Variants in INSR observed in about 807,000 individuals in gnomAD.
INSR encodes the protein IR.
Under a neutral mutation model 142.6 loss-of-function variants are expected in INSR, and 67 were observed. That is an observed-to-expected ratio of 0.47 (90% CI 0.39 to 0.58). The LOEUF (loss-of-function observed/expected upper bound fraction) is 0.58. INSR is among the 20% of genes least tolerant of loss of function. The pLI, the probability that INSR is intolerant of heterozygous loss-of-function variation, is 0.00. For synonymous variants in INSR, 756 were observed against 743.1 expected, an observed-to-expected ratio of 1.02 and a Z score of -0.28; for missense variants, 1,248 against 1,833.2, an observed-to-expected ratio of 0.68 and a Z score of 5.83.
chr19:7,190,369 G>GT lies in INSR; in HGVS notation c.653-5733dup, dbSNP rs34757652. On this transcript the variant is annotated intron_variant, in intron 2 of 21. Coordinates refer to ENST00000302850, the MANE Select transcript of INSR (RefSeq NM_000208.4). ...ACATGCTGACCTGTGTTCTTTGGTG[G>GT]TTTTTTTTTTTTTTTTTTTTTGAGA... is the stretch of plus-strand genomic sequence containing the variant. 5.4e-3 allele frequency among the ~76,000 whole-genome samples: 554 copies of GT among 102,686 alleles called. 2 individuals are homozygous for GT. The highest frequency in any genetic ancestry group is 7.0e-3 in the South Asian group (22 of 3,134). 67.4% of individuals were successfully genotyped at this position (102,686 alleles called of 152,430 possible). A position where few individuals can be genotyped will look rare whatever the true frequency, so the allele number is the denominator to read the frequency against.
chr19:7,201,648 A>C (rs1974956510), intron 2 of INSR, among the ~76,000 whole-genome samples: 1 of 148,048 alleles, frequency 6.8e-6, no homozygotes, highest in Non-Finnish European at 1.5e-5. Flanking sequence ...ATAATAAATA[A>C]ATTACATCTA....
chr19:7,133,637 G>A (rs1057157498), intron 13 of INSR, among the ~76,000 whole-genome samples: 6 of 152,226 alleles, frequency 3.9e-5, no homozygotes, highest in Admixed American at 6.5e-5. Flanking sequence ...CGAGGTGGGC[G>A]GATCACCTGA....
At chr19:7,229,760 CTTTTTTTTT>C (rs71177180) in intron 2 of INSR, among the ~76,000 whole-genome samples, 1 of 87,500 alleles carries the variant, frequency 1.1e-5, no homozygotes, top group Non-Finnish European at 2.2e-5. Flanking sequence ...CATTTACAGT[CTTTTTTTTT>C]TTTTTTTTTT....
In INSR at chr19:7,141,804, T is replaced by G; in HGVS notation, c.2555A>C (p.Asp852Ala). Residue 852 changes from aspartate (D) to alanine (A), a missense_variant, in exon 13 of 22, where the codon GAC (aspartate) becomes GCC (alanine). By Grantham distance (126) the Asp-to-Ala change is moderately radical (BLOSUM62 -2). This residue lies in a region of INSR where 1,069 missense variants were observed against 1,654.0 expected (regional missense o/e 0.65). Transcript: ENST00000302850. ...ARTMPEAKAD[D>A]IVGPVTHEIF... ...TTCATGCGTCACAGGGCCAACAATG[T>G]CATCAGCCTTGGCTGTAAGGAGAGG... The G allele has an allele frequency of 1.2e-6, 2 of 1,614,104 alleles. No homozygotes were observed. The highest frequency in any genetic ancestry group is 1.7e-6 in the Non-Finnish European group (2 of 1,179,978).
intron 19 of INSR, among the ~76,000 whole-genome samples, chr19:7,121,736 G>A (rs558038438): frequency 6.6e-6 from 1 of 152,264 alleles, no homozygotes; most frequent in South Asian, 2.1e-4. Flanking sequence ...CCAAAGCACT[G>A]AGATTACAGG....
At chr19:7,186,639 C>T (rs879585386) in intron 2 of INSR, among the ~76,000 whole-genome samples, 4 of 152,218 alleles carry the variant, frequency 2.6e-5, no homozygotes, top group Middle Eastern at 6.8e-3. Flanking sequence ...CCCCATGAAA[C>T]AGTCACACTC....
intron 6 of INSR, among the ~76,000 whole-genome samples, chr19:7,169,576 CAAAAAAA>C (rs74174872): frequency 1.1e-5 from 1 of 94,804 alleles, no homozygotes; most frequent in Non-Finnish European, 2.1e-5. Context: ...GACTCTGTCC[CAAAAAAA>C]AAAAAAAAAA....
At chr19:7,250,148 G>A (rs1374234839) in intron 2 of INSR, among the ~76,000 whole-genome samples, 1 of 150,824 alleles carries the variant, frequency 6.6e-6, no homozygotes, top group Admixed American at 6.7e-5. Flanking sequence ...GACAGAGCAA[G>A]ACCCTGTCGA....
chr19:7,139,129 T>C (rs1027986567), intron 13 of INSR, among the ~76,000 whole-genome samples: 1 of 152,124 alleles, frequency 6.6e-6, no homozygotes, highest in Admixed American at 6.6e-5. Flanking sequence ...AGAGAACACA[T>C]GAGGACAAAG....
chr19:7,243,036 T>C (rs565266632), intron 2 of INSR, among the ~76,000 whole-genome samples: 1 of 151,928 alleles, frequency 6.6e-6, no homozygotes, highest in Non-Finnish European at 1.5e-5. Context: ...ACACCACTCT[T>C]AGTCTTGAAC....
At chr19:7,276,754 G>C (rs11666226) in intron 1 of INSR, among the ~76,000 whole-genome samples, 20,303 of 151,274 alleles carry the variant, frequency 0.13, 1,487 homozygotes, top group East Asian at 0.26. Context: ...TTTTTGAGAC[G>C]GAGTCTCACT....
chr19:7,158,214 T>C (rs889001876), intron 9 of INSR, among the ~76,000 whole-genome samples: 1 of 151,502 alleles, frequency 6.6e-6, no homozygotes, highest in Admixed American at 6.6e-5. Context: ...AAATGAAGCA[T>C]AATGGGCCAG....
intron 1 of INSR, among the ~76,000 whole-genome samples, chr19:7,268,954 C>T (rs1967822977): frequency 6.6e-6 from 1 of 151,630 alleles, no homozygotes; most frequent in African/African-American, 2.4e-5. Flanking sequence ...CGTGTTTCTC[C>T]TCCTTGTGTC....
chr19:7,178,152 G>A (rs569000769), intron 3 of INSR, among the ~76,000 whole-genome samples: 2 of 150,166 alleles, frequency 1.3e-5, no homozygotes, highest in East Asian at 2.0e-4. Context: ...TCTTCATCCC[G>A]GTTCTTGGCA....
At chr19:7,193,387 C>T (rs1182367158) in intron 2 of INSR, among the ~76,000 whole-genome samples, 1 of 151,822 alleles carries the variant, frequency 6.6e-6, no homozygotes, top group Non-Finnish European at 1.5e-5. Flanking sequence ...TGTCGCGCAC[C>T]TGTAGTCTCA....
At chr19:7,226,080 G>T (rs1288815800) in intron 2 of INSR, among the ~76,000 whole-genome samples, 1 of 152,168 alleles carries the variant, frequency 6.6e-6, no homozygotes, top group Middle Eastern at 3.2e-3. Context: ...TTTTCAAATG[G>T]CTGGCTGTAA....
chr19:7,157,872 TC>T (rs1973638038), intron 9 of INSR, among the ~76,000 whole-genome samples: 1 of 151,764 alleles, frequency 6.6e-6, no homozygotes, highest in Non-Finnish European at 1.5e-5. Flanking sequence ...GAGTATCCAC[TC>T]GGAAACCCAA....
At chr19:7,252,983 C>T (rs543335875) in intron 2 of INSR, among the ~76,000 whole-genome samples, 3 of 152,000 alleles carry the variant, frequency 2.0e-5, no homozygotes, top group South Asian at 2.1e-4. Context: ...GGCGTGGTGG[C>T]GGGCGCCTGT....
In INSR at chr19:7,293,981, G is replaced by A; in HGVS notation, c.-90C>T. ...CCGAGGCGGCCACCCAAGAGGCGCT[G>A]GGGGCCGCGCGTCCTTCTCTTCCAC... On this transcript the variant is annotated 5_prime_UTR_variant, in exon 1 of 22. Transcript: ENST00000302850. The A allele has an allele frequency of 8.9e-7, 1 of 1,122,236 alleles. No individual in the cohort carries two copies. Among genetic ancestry groups the A allele is most frequent in the Non-Finnish European group, 1.1e-6 (1 of 917,776 alleles). The allele number at this position is 1,122,236 out of a possible 1,614,324, so 69.5% of individuals were successfully genotyped here.
Sources: allele counts gnomAD v4.1 joint callset (sites outside exome capture counted in the v4.1 genomes callset), GRCh38; gene constraint gnomAD v4.1.1; regional missense constraint gnomAD v4.1.1; transcripts MANE v1.5; gene names NCBI Gene and HGNC (gene_info 2026-07-23, HGNC 2026-07-21).